The following NFASC variants were observed in gnomAD, a reference collection of about 807,000 sequenced individuals.
NFASC encodes neurofascin homolog.
NFASC carries 43 observed loss-of-function variants against 147.5 expected under a neutral mutation model. The ratio of observed to expected loss-of-function variants is 0.29; its 90% CI spans 0.23 to 0.38. NFASC has a LOEUF of 0.38. Among genes scored for constraint, NFASC ranks in the 10% least tolerant of loss-of-function variants. NFASC has a pLI of 1.00. For synonymous variants in NFASC, 622 were observed against 665.5 expected, an observed-to-expected ratio of 0.93 and a Z score of 1.01; for missense variants, 1,320 against 1,689.0, an observed-to-expected ratio of 0.78 and a Z score of 3.83.
intron 26 of NFASC, 66 bp downstream of exon 26, chr1:205,001,352 G>A: frequency 1.0e-6 from 1 of 1,002,242 alleles, no homozygotes; most frequent in South Asian, 1.4e-5. Flanking sequence ...GGTAGTGGTA[G>A]ATGCCATTAA....
intron 3 of NFASC, chr1:204,948,542 C>G: frequency 1.9e-6 from 1 of 516,078 alleles, no homozygotes; most frequent in South Asian, 1.4e-5. Context: ...GAGGCCCCAG[C>G]TGGCTCGCTC....
In NFASC at chr1:204,920,779, G is replaced by T. The variant is rs994708476; in HGVS notation, c.-91+39G>T. The T allele has an allele frequency of 4.1e-5, 42 of 1,021,620 alleles. No homozygotes were observed. In the African/African-American group the frequency reaches 5.6e-4, roughly 14 times the overall value. The allele number at this position is 1,021,620 out of a possible 1,614,324, so 63.3% of individuals were successfully genotyped here. A position where few individuals can be genotyped will look rare whatever the true frequency, so the allele number is the denominator to read the frequency against. Reference sequence around the variant, plus strand: ...GGGCCTGGGGTATGTGTCATTGGAGGGGTGAGAATGAGGGGACATTCTCGC... The same window carrying T: ...GGGCCTGGGGTATGTGTCATTGGAGTGGTGAGAATGAGGGGACATTCTCGC... On this transcript the variant is annotated intron_variant, in intron 2 of 29. Coordinates refer to ENST00000339876, the MANE Select transcript of NFASC (RefSeq NM_001005388.3).
chr1:204,987,367 C>T lies in NFASC; in HGVS notation c.2471-51C>T, dbSNP rs754725830. On this transcript the variant is annotated intron_variant, in intron 21 of 29. Coordinates refer to ENST00000339876, the MANE Select transcript of NFASC (RefSeq NM_001005388.3). This position sits in a 1 kb window ranked among gnomAD's most constrained non-coding sequence, Gnocchi z 4.4. ...GCTTTGTTTTTTGTGTTTTCCTCAT[C>T]CTCCCTGCCCCCTCCCCCTCATCTC... The T allele has an allele frequency of 1.7e-5, 26 of 1,565,676 alleles. No individual in the cohort carries two copies. The highest frequency in any genetic ancestry group is 2.0e-5 in the Non-Finnish European group (23 of 1,145,164).
intron 4 of NFASC, among the ~76,000 whole-genome samples, chr1:204,951,281 T>A (rs2149945409): frequency 6.6e-6 from 1 of 151,116 alleles, no homozygotes; most frequent in African/African-American, 2.4e-5. Context: ...CCCGAGTAGC[T>A]GGGGTTATAG....
At chr1:204,845,856 T>C (rs1034849031) in intron 1 of NFASC, among the ~76,000 whole-genome samples, 1 of 150,668 alleles carries the variant, frequency 6.6e-6, no homozygotes, top group Non-Finnish European at 1.5e-5. Flanking sequence ...GAGCTATGAT[T>C]GCACCACTGC....
intron 28 of NFASC, among the ~76,000 whole-genome samples, chr1:205,011,385 G>A (rs576369827): frequency 1.8e-4 from 28 of 152,328 alleles, no homozygotes; most frequent in African/African-American, 6.5e-4. Flanking sequence ...CTGTTCTGCT[G>A]TGCTGGGCCT....
In NFASC at chr1:204,987,549, T is replaced by G; in HGVS notation, c.2593+9T>G. The G allele has an allele frequency of 2.5e-6, 4 of 1,614,070 alleles. No homozygotes were observed. The highest frequency in any genetic ancestry group is 3.4e-6 in the Non-Finnish European group (4 of 1,179,962). ...TCTCAAATATGTGGCCTGTACGTTC[T>G]GCCCTTCCCTTTCTCTTAGATAATC... is the stretch of plus-strand genomic sequence containing the variant. On this transcript the variant is annotated intron_variant, in intron 22 of 29. Coordinates refer to ENST00000339876, the MANE Select transcript of NFASC (RefSeq NM_001005388.3). This position sits in a 1 kb window ranked among gnomAD's most constrained non-coding sequence, Gnocchi z 4.4.
chr1:204,964,667 A>G (rs1558276395), intron 8 of NFASC, among the ~76,000 whole-genome samples: 1 of 152,200 alleles, frequency 6.6e-6, no homozygotes, highest in Non-Finnish European at 1.5e-5. Context: ...TTCCTAGAGC[A>G]AGAGAGGTGA....
At position 204,968,723 on chromosome 1, in the gene NFASC, G is replaced by A. The variant is rs546425233; in HGVS notation, c.819-75G>A. The A allele has an allele frequency of 7.2e-7, 1 of 1,388,216 alleles. No individual in the cohort carries two copies. The highest frequency in any genetic ancestry group is 1.4e-5 in the South Asian group (1 of 72,044). The allele number at this position is 1,388,216 out of a possible 1,614,324, so 86.0% of individuals were successfully genotyped here. A position where few individuals can be genotyped will look rare whatever the true frequency, so the allele number is the denominator to read the frequency against. On this transcript the variant is annotated intron_variant, in intron 9 of 29. Coordinates refer to ENST00000339876, the MANE Select transcript of NFASC (RefSeq NM_001005388.3). This position sits in a 1 kb window ranked among gnomAD's most constrained non-coding sequence, Gnocchi z 5.4. ...CCAAGTATACTTTTAGGCCACCTGGGTGTCCCCAGCTGTATAGAAGAGGAG... is the reference window on the plus strand; with the variant it reads ...CCAAGTATACTTTTAGGCCACCTGGATGTCCCCAGCTGTATAGAAGAGGAG...
intron 23 of NFASC, among the ~76,000 whole-genome samples, 156 bp from the exon 24 acceptor site, chr1:204,991,136 G>A (rs1292191985): frequency 6.6e-6 from 1 of 152,254 alleles, no homozygotes; most frequent in East Asian, 1.9e-4. Context: ...GCATCCTCAG[G>A]CCAGCAGCCA....
chr1:205,016,397 ATGGCGAGGG>A lies in NFASC; in HGVS notation c.3592_3600del (p.Gly1198_Gly1200del). On this transcript the variant is annotated inframe_deletion, in exon 30 of 30. Coordinates refer to ENST00000339876, the MANE Select transcript of NFASC (RefSeq NM_001005388.3). This position sits in a 1 kb window ranked among gnomAD's most constrained non-coding sequence, Gnocchi z 5.1. The stretch of plus-strand genomic sequence containing the variant: ...GAGAGTGACGACAGCCTGGTGGACT[ATGGCGAGGG>A]TGGCGAGGGTCAGTTCAATGAAGAC... The A allele has an allele frequency of 6.2e-7, 1 of 1,614,046 alleles. No homozygotes were observed.
intron 2 of NFASC, among the ~76,000 whole-genome samples, chr1:204,923,079 T>G (rs2090824377): frequency 6.6e-6 from 1 of 152,230 alleles, no homozygotes; most frequent in African/African-American, 2.4e-5. Flanking sequence ...ATTCAAATCC[T>G]GTGGTCCAAC....
chr1:204,991,848 G>C lies in NFASC; in HGVS notation c.2782+542G>C, dbSNP rs1054010961. 2.0e-5 allele frequency among the ~76,000 whole-genome samples: 3 copies of C among 152,258 alleles called. No homozygotes were observed. The East Asian group carries it at 5.8e-4, about 29-fold the overall frequency. ...CACGGGCTCTGCTCAGTGAGAACAA[G>C]CAAGCATGTCCATGGATAGGGCCAG... is the stretch of plus-strand genomic sequence containing the variant. On this transcript the variant is annotated intron_variant, in intron 24 of 29. Coordinates refer to ENST00000339876, the MANE Select transcript of NFASC (RefSeq NM_001005388.3).
At chr1:205,014,234 G>A (rs2096303727) in intron 29 of NFASC, among the ~76,000 whole-genome samples, 3 of 152,062 alleles carry the variant, frequency 2.0e-5, no homozygotes, top group South Asian at 4.2e-4. Context: ...CCTCCTCCCC[G>A]CAGACACTGA....
chr1:204,996,000 A>G (rs1236142762), intron 24 of NFASC, among the ~76,000 whole-genome samples: 1 of 152,158 alleles, frequency 6.6e-6, no homozygotes. Flanking sequence ...CAGGAGATCC[A>G]GTGCAAGGAG....
chr1:205,014,148 G>A (rs146457327), intron 29 of NFASC, among the ~76,000 whole-genome samples: 1 of 152,312 alleles, frequency 6.6e-6, no homozygotes, highest in African/African-American at 2.4e-5. Context: ...AGGCTGGGCA[G>A]CCTGTACTGC....
chr1:204,953,618 C>T (rs1355132728), intron 5 of NFASC, among the ~76,000 whole-genome samples: 2 of 152,202 alleles, frequency 1.3e-5, no homozygotes, highest in Non-Finnish European at 2.9e-5. Flanking sequence ...TCTTGGGCTA[C>T]AGGGTGTGGT....
Position 204,957,811 on chromosome 1 carries a change from C to T in NFASC, c.691C>T (p.Leu231Phe), listed in dbSNP as rs745432878. ...CATCCAGCAGAAGAACCCTTTCACCCTCAAGGTCCTCACCAGTAAGTGAAG... is the reference window on the plus strand; with the variant it reads ...CATCCAGCAGAAGAACCCTTTCACCTTCAAGGTCCTCACCAGTAAGTGAAG... ...HTIQQKNPFTLKVLTTRGVAE... is the reference protein window; with the variant it reads ...HTIQQKNPFTFKVLTTRGVAE... The change falls in exon 8 of 30, where the codon CTC (leucine) becomes TTC (phenylalanine). Residue 231 changes from leucine to phenylalanine, a missense_variant. Physicochemically the swap from Leu to Phe is conservative, Grantham distance 22 (BLOSUM62 0). This residue lies in a region of NFASC where 981 missense variants were observed against 1,289.5 expected (regional missense o/e 0.76). Transcript: ENST00000339876. The T allele has an allele frequency of 1.9e-6, 3 of 1,614,188 alleles. No homozygotes were observed. Among genetic ancestry groups the T allele is most frequent in the Non-Finnish European group, 1.7e-6 (2 of 1,180,024 alleles).
At chr1:204,856,557 C>T (rs557539296) in intron 1 of NFASC, among the ~76,000 whole-genome samples, 186 of 152,234 alleles carry the variant, frequency 1.2e-3, no homozygotes, top group African/African-American at 4.0e-3. Context: ...TTCAAGTGAA[C>T]GATTCAGTGA....
Sources: allele counts gnomAD v4.1 joint callset (sites outside exome capture counted in the v4.1 genomes callset), GRCh38; gene constraint gnomAD v4.1.1; regional missense constraint gnomAD v4.1.1; non-coding constraint Gnocchi (gnomAD v3.1); transcripts MANE v1.5; gene names NCBI Gene and HGNC (gene_info 2026-07-23, HGNC 2026-07-21).